The following NLGN1 variants were observed in gnomAD, a reference collection of about 807,000 sequenced individuals.
The protein encoded by NLGN1 is neuroligin-1.
A neutral mutation model predicts 65.5 loss-of-function variants in NLGN1; 12 were observed. The ratio of observed to expected loss-of-function variants is 0.18; its 90% CI spans 0.12 to 0.30. NLGN1 has a LOEUF of 0.30. Ranked by LOEUF, NLGN1 falls within the 10% of genes least tolerant of loss-of-function variation. NLGN1 has a pLI of 1.00. For missense variants in NLGN1, 750 were observed against 1,007.1 expected (o/e 0.74, Z 3.46); for synonymous variants, 350 against 359.5 (o/e 0.97, Z 0.30).
chr3:173,471,091 A>T (rs116223277), intron 2 of NLGN1, among the ~76,000 whole-genome samples: 246 of 152,184 alleles, frequency 1.6e-3, no homozygotes, highest in Non-Finnish European at 2.8e-3. Context: ...AACAACAACA[A>T]CAATAAACGC....
At chr3:173,893,431 T>A (rs1441526968) in intron 4 of NLGN1, among the ~76,000 whole-genome samples, 1 of 152,168 alleles carries the variant, frequency 6.6e-6, no homozygotes, top group Non-Finnish European at 1.5e-5. Flanking sequence ...CATACCTTTC[T>A]CATAGCACTA....
rs78534618 is a variant in NLGN1 at position 174,226,759 on chromosome 3, T to A, written c.647-48556T>A. Among the ~76,000 whole-genome samples the A allele has an allele frequency of 1.7e-3, 254 of 152,012 alleles. 1 individual carries two copies. The highest frequency in any genetic ancestry group is 0.013 in the East Asian group (65 of 5,178). On this transcript the variant is annotated intron_variant, in intron 4 of 6. Transcript: ENST00000457714. Reference sequence around the variant, plus strand: ...ATTTAAAATAACACTAAATTTTTTTTAAAAATGACTTGCTGAGGTGTTCCT... The same window carrying A: ...ATTTAAAATAACACTAAATTTTTTTAAAAAATGACTTGCTGAGGTGTTCCT...
intron 4 of NLGN1, among the ~76,000 whole-genome samples, chr3:174,003,982 G>C (rs1723847051): frequency 1.3e-5 from 2 of 152,186 alleles, no homozygotes; most frequent in South Asian, 4.1e-4. Context: ...CTTAATGCTG[G>C]AATAAACTTT....
intron 4 of NLGN1, chr3:174,057,578 T>G (rs1736435089): frequency 6.6e-6 from 1 of 152,118 alleles, no homozygotes; most frequent in Admixed American, 6.6e-5. Flanking sequence ...GTATTTTTGT[T>G]GCCACCATGA....
intron 4 of NLGN1, among the ~76,000 whole-genome samples, chr3:173,901,927 T>C (rs957423560): frequency 6.6e-6 from 1 of 152,060 alleles, no homozygotes; most frequent in Non-Finnish European, 1.5e-5. Flanking sequence ...TTTGCTTGTC[T>C]AAAATACAGC....
intron 4 of NLGN1, among the ~76,000 whole-genome samples, chr3:174,240,514 G>T (rs1742588515): frequency 1.3e-5 from 2 of 152,070 alleles, no homozygotes. Flanking sequence ...CAAGAACGCT[G>T]TCATTATACA....
intron 3 of NLGN1, among the ~76,000 whole-genome samples, chr3:173,756,570 A>C (rs946507783): frequency 6.6e-6 from 1 of 151,932 alleles, no homozygotes; most frequent in African/African-American, 2.4e-5. Context: ...GTACTAAAAA[A>C]GGCTTAGAAA....
At chr3:173,477,293 C>T (rs552539768) in intron 2 of NLGN1, among the ~76,000 whole-genome samples, 55 of 152,150 alleles carry the variant, frequency 3.6e-4, no homozygotes, top group Non-Finnish European at 5.9e-4. Flanking sequence ...GTAATCCCAC[C>T]GTTTTGGTAG....
intron 2 of NLGN1, among the ~76,000 whole-genome samples, chr3:173,553,414 C>T (rs891816382): frequency 2.6e-5 from 4 of 152,158 alleles, no homozygotes; most frequent in African/African-American, 9.7e-5. Context: ...ATAGAATTCA[C>T]AGGAAGAGAG....
chr3:174,037,528 G>T (rs1731399805), intron 4 of NLGN1, among the ~76,000 whole-genome samples: 1 of 152,088 alleles, frequency 6.6e-6, no homozygotes, highest in Non-Finnish European at 1.5e-5. Flanking sequence ...AAAGCAAAAT[G>T]GTTAAGAACG....
intron 4 of NLGN1, among the ~76,000 whole-genome samples, chr3:174,143,538 A>T (rs1722666858): frequency 6.6e-6 from 1 of 152,216 alleles, no homozygotes; most frequent in Non-Finnish European, 1.5e-5. Context: ...TTTTGTGCTA[A>T]AAAGCAGCCA....
In NLGN1 at chr3:173,807,695, G is replaced by C. The variant is rs768271099; in HGVS notation, c.509G>C (p.Gly170Ala). The change falls in exon 4 of 7, where the codon GGG becomes GCG. Residue 170 changes from glycine (G) to alanine (A), a missense_variant. Transcript: ENST00000457714. ...TGTTTTCCAGATATTCGGGACAGTG[G>C]GGGTCCCAAACCAGTGATGGTGTAT... The C allele has an allele frequency of 2.5e-6, 4 of 1,613,486 alleles. No individual in the cohort carries two copies. In the Admixed American group the frequency reaches 6.7e-5, roughly 27 times the overall value.
intron 1 of NLGN1, among the ~76,000 whole-genome samples, chr3:173,426,260 A>T (rs545842505): frequency 1.1e-4 from 16 of 152,180 alleles, no homozygotes; most frequent in African/African-American, 3.6e-4. Context: ...TAAGTATAAG[A>T]TTATGTCATC....
intron 4 of NLGN1, among the ~76,000 whole-genome samples, chr3:174,047,266 A>G (rs1262128083): frequency 6.6e-6 from 1 of 151,974 alleles, no homozygotes; most frequent in African/African-American, 2.4e-5. Flanking sequence ...TCTATTTTCC[A>G]CAAGTTAGTG....
At chr3:173,528,611 A>G (rs1736043377) in intron 2 of NLGN1, among the ~76,000 whole-genome samples, 1 of 151,976 alleles carries the variant, frequency 6.6e-6, no homozygotes, top group Non-Finnish European at 1.5e-5. Context: ...ATAATTCCAT[A>G]TTTCTCCAAG....
At chr3:174,151,140 G>A (rs6809392) in intron 4 of NLGN1, among the ~76,000 whole-genome samples, 55,147 of 151,378 alleles carry the variant, frequency 0.36, 11,784 homozygotes, top group African/African-American at 0.59. Context: ...TTGATGAGTG[G>A]TGTCTTTTAC....
chr3:174,139,176 TG>T (rs1721829147), intron 4 of NLGN1, among the ~76,000 whole-genome samples: 1 of 152,148 alleles, frequency 6.6e-6, no homozygotes, highest in Non-Finnish European at 1.5e-5. Context: ...GTACGTTCTG[TG>T]GGTTTGGACA....
chr3:173,817,118 G>A (rs1719185511), intron 4 of NLGN1, among the ~76,000 whole-genome samples: 1 of 152,170 alleles, frequency 6.6e-6, no homozygotes, highest in Non-Finnish European at 1.5e-5. Flanking sequence ...ATAAAGCGGA[G>A]AAGGCAGAGC....
At chr3:174,079,088 C>T (rs142245550) in intron 4 of NLGN1, among the ~76,000 whole-genome samples, 6 of 151,952 alleles carry the variant, frequency 3.9e-5, no homozygotes, top group Admixed American at 3.9e-4. Flanking sequence ...ACTGTATATA[C>T]TCTCAAACAG....
Sources: allele counts gnomAD v4.1 joint callset (sites outside exome capture counted in the v4.1 genomes callset), GRCh38; gene constraint gnomAD v4.1.1; transcripts MANE v1.5; gene names NCBI Gene and HGNC (gene_info 2026-07-23, HGNC 2026-07-21).